Variants in PAIP1 observed in about 807,000 individuals in gnomAD.
PAIP1 encodes the protein poly(A) binding protein interacting protein 1.
Under a neutral mutation model 61.3 loss-of-function variants are expected in PAIP1, and 16 were observed. That is an observed-to-expected ratio of 0.26 (90% CI 0.18 to 0.40). The LOEUF is 0.40. PAIP1 is among the 10% of genes least tolerant of loss of function. The pLI is 1.00. For synonymous variants in PAIP1, 187 were observed against 226.2 expected (o/e 0.83, Z 1.56); for missense variants, 416 against 600.9 (o/e 0.69, Z 3.22).
chr5:43,556,186 C>T (rs1055232832), intron 1 of PAIP1, 187 bp from the exon 2 acceptor site: 3 of 1,385,476 alleles, frequency 2.2e-6, no homozygotes, highest in Non-Finnish European at 2.8e-6. Flanking sequence ...CTTGCTGTGA[C>T]TCCGTTATGG....
chr5:43,532,848 G>A (rs973961585), intron 9 of PAIP1, among the ~76,000 whole-genome samples: 1 of 152,048 alleles, frequency 6.6e-6, no homozygotes, highest in Non-Finnish European at 1.5e-5. Context: ...AGGTCAACAA[G>A]AACAAGAAAA....
chr5:43,551,677 T>A (rs1274555224), intron 2 of PAIP1, among the ~76,000 whole-genome samples: 2 of 151,852 alleles, frequency 1.3e-5, no homozygotes, highest in Non-Finnish European at 2.9e-5. Context: ...CTGAAAGTAC[T>A]AATTTCCTGT....
At chr5:43,545,824 C>T (rs1579922360) in intron 3 of PAIP1, among the ~76,000 whole-genome samples, 1 of 151,434 alleles carries the variant, frequency 6.6e-6, no homozygotes, top group East Asian at 1.9e-4. Flanking sequence ...AGCTGGAGTG[C>T]AGTGGCGCAA....
At chr5:43,538,179 A>T (rs1747234436) in intron 5 of PAIP1, among the ~76,000 whole-genome samples, 1 of 152,104 alleles carries the variant, frequency 6.6e-6, no homozygotes. Context: ...AATATATAAA[A>T]TAGGACAAAA....
intron 10 of PAIP1, 64 bp downstream of exon 10, chr5:43,529,722 T>C (rs1746862619): frequency 1.1e-6 from 1 of 875,692 alleles, no homozygotes; most frequent in African/African-American, 1.6e-5. Context: ...AGCTACTTTG[T>C]CTAATCTCCA....
intron 3 of PAIP1, among the ~76,000 whole-genome samples, chr5:43,545,599 A>G (rs1220996036): frequency 2.0e-5 from 3 of 152,194 alleles, no homozygotes. Flanking sequence ...CTTGGAATTC[A>G]ACGTTAGATC....
At chr5:43,556,021 G>A (rs745486698) in intron 1 of PAIP1, 22 bp from the exon 2 acceptor site, 1 of 1,601,724 alleles carries the variant, frequency 6.2e-7, no homozygotes, top group Non-Finnish European at 8.5e-7. Context: ...AAAAAAACGG[G>A]GCGTCAGATG....
chr5:43,537,015 A>G, intron 5 of PAIP1, 71 bp from the exon 6 acceptor site: 3 of 1,101,442 alleles, frequency 2.7e-6, no homozygotes, highest in Non-Finnish European at 3.8e-6. Flanking sequence ...ATGAACTAAC[A>G]AGGTGTTGGC....
At position 43,538,908 on chromosome 5, in the gene PAIP1, A is replaced by C. The variant is rs373470549; in HGVS notation, c.846+16T>G. ...CTCAGGCCTTGTTAGTACTTAACAA[A>C]AGAAAAACTTCTCACCTCCAGGTTA... On this transcript the variant is annotated intron_variant, in intron 5 of 10. Transcript: ENST00000306846. 2.1e-5 allele frequency: 29 copies of C among 1,402,088 alleles called. No homozygotes were observed. In the African/African-American group the frequency reaches 3.5e-4, roughly 17 times the overall value. 86.9% of individuals were successfully genotyped at this position (1,402,088 alleles called of 1,614,324 possible).
intron 2 of PAIP1, among the ~76,000 whole-genome samples, chr5:43,554,135 T>C (rs1747970694): frequency 6.6e-6 from 1 of 152,170 alleles, no homozygotes; most frequent in South Asian, 2.1e-4. Flanking sequence ...TGGACTAACA[T>C]GACTTTATAT....
chr5:43,556,480 G>A, intron 1 of PAIP1, 102 bp downstream of exon 1: 6 of 1,199,074 alleles, frequency 5.0e-6, no homozygotes, highest in Non-Finnish European at 5.2e-6. Context: ...TCGGGGAACC[G>A]GGGGTGGGGA....
rs1747085894 is a variant in PAIP1 at position 43,534,918 on chromosome 5, C to A, written c.1132G>T (p.Gly378Cys). The A allele has an allele frequency of 1.2e-6, 2 of 1,611,314 alleles. No individual in the cohort carries two copies. The highest frequency in any genetic ancestry group is 1.7e-6 in the Non-Finnish European group (2 of 1,177,658). Residue 378 changes from glycine (G) to cysteine (C), a missense_variant, in exon 8 of 11, where the codon GGC becomes TGC. Gly to Cys is a radical substitution (Grantham distance 159, BLOSUM62 -3). This residue lies in a region of PAIP1 where 135 missense variants were observed against 283.9 expected (regional missense o/e 0.48). Transcript: ENST00000306846. ...TATGTTGAAGTTGCATGGACTCTGC[C>A]CCAGTTACTTGACCGGAGTTCTACA... ...KLVELRSSNW[G>C]RVHATSTYRE...
chr5:43,537,801 G>A (rs1747212579), intron 5 of PAIP1, among the ~76,000 whole-genome samples: 3 of 151,820 alleles, frequency 2.0e-5, no homozygotes, highest in South Asian at 2.1e-4. Flanking sequence ...TGAGACCAGC[G>A]TGGCCAACAT....
chr5:43,549,763 AG>A (rs1379164310), intron 2 of PAIP1, among the ~76,000 whole-genome samples: 1 of 152,010 alleles, frequency 6.6e-6, no homozygotes. Flanking sequence ...TCTGTCACCC[AG>A]GCTGGAGTAC....
At position 43,556,860 on chromosome 5, in the gene PAIP1, C is replaced by T. The variant is rs942652694; in HGVS notation, c.-14G>A. The T allele has an allele frequency of 2.8e-6, 4 of 1,408,978 alleles. No individual in the cohort carries two copies. Among genetic ancestry groups the T allele is most frequent in the South Asian group, 1.5e-5 (1 of 65,362 alleles). The allele number at this position is 1,408,978 out of a possible 1,614,324, so 87.3% of individuals were successfully genotyped here. A position where few individuals can be genotyped will look rare whatever the true frequency, so the allele number is the denominator to read the frequency against. On this transcript the variant is annotated 5_prime_UTR_variant, in exon 1 of 11. Coordinates refer to ENST00000306846, the MANE Select transcript of PAIP1 (RefSeq NM_006451.5). ...ACCGTCCGACATGCTCCTCCTCCTC[C>T]GCCTCCTCCTCCAGGGGCCGCTGCC...
intron 2 of PAIP1, among the ~76,000 whole-genome samples, chr5:43,550,814 C>A (rs1747830922): frequency 1.3e-5 from 1 of 77,832 alleles, no homozygotes; most frequent in African/African-American, 5.2e-5. Context: ...ATGGAAGACA[C>A]ATTCAGAAGT....
rs1407232511 is a variant in PAIP1 at position 43,543,134 on chromosome 5, A to G, written c.622-18T>C. ...GATGTGGCCTTTTAAAAAGAAGAAA[A>G]GTGTTATATGACATAGGTACATCAT... On this transcript the variant is annotated intron_variant, in intron 3 of 10. Coordinates refer to ENST00000306846, the MANE Select transcript of PAIP1 (RefSeq NM_006451.5). The G allele has an allele frequency of 1.6e-6, 2 of 1,282,578 alleles. No individual in the cohort carries two copies. The highest frequency in any genetic ancestry group is 2.3e-6 in the Non-Finnish European group (2 of 880,732). 79.4% of individuals were successfully genotyped at this position (1,282,578 alleles called of 1,614,324 possible). A position where few individuals can be genotyped will look rare whatever the true frequency, so the allele number is the denominator to read the frequency against.
chr5:43,550,661 G>A (rs531254796), intron 2 of PAIP1, among the ~76,000 whole-genome samples: 2 of 151,810 alleles, frequency 1.3e-5, no homozygotes, highest in Non-Finnish European at 2.9e-5. Context: ...AAGTCACTTT[G>A]GTTATTCATT....
chr5:43,547,616 A>G, intron 3 of PAIP1, 112 bp downstream of exon 3: 1 of 676,152 alleles, frequency 1.5e-6, no homozygotes, highest in Non-Finnish European at 2.6e-6. Flanking sequence ...AACTATAAAG[A>G]GTAAGTGTGG....
Sources: allele counts gnomAD v4.1 joint callset (sites outside exome capture counted in the v4.1 genomes callset), GRCh38; gene constraint gnomAD v4.1.1; regional missense constraint gnomAD v4.1.1; transcripts MANE v1.5; gene names NCBI Gene and HGNC (gene_info 2026-07-23, HGNC 2026-07-21).